SCML4: variants seen among roughly 807,000 people sequenced by gnomAD.
SCML4 encodes the protein Scm polycomb group protein like 4, also known as sex comb on midleg-like protein 4.
Under a neutral mutation model 41.1 loss-of-function variants are expected in SCML4, and 34 were observed. The ratio of observed to expected loss-of-function variants is 0.83; its 90% confidence interval spans 0.63 to 1.10. The LOEUF is 1.10. Among genes scored for constraint, SCML4 ranks in the 50% least tolerant of loss-of-function variants. SCML4 has a pLI of 0.00. For synonymous variants in SCML4, 214 were observed against 220.9 expected, an observed-to-expected ratio of 0.97 and a Z score of 0.28; for missense variants, 522 against 534.1, an observed-to-expected ratio of 0.98 and a Z score of 0.22.
At chr6:107,833,661 T>C in the SCML4 span, among the ~76,000 whole-genome samples, 5 of 152,088 alleles carry the variant, frequency 3.3e-5, no homozygotes, top group Non-Finnish European at 7.3e-5. Context: ...AGTCCAGGCT[T>C]CCCCCAGTTT....
At chr6:107,842,139 A>AT in the SCML4 span, among the ~76,000 whole-genome samples, 2 of 151,884 alleles carry the variant, frequency 1.3e-5, no homozygotes, top group Non-Finnish European at 2.9e-5. Context: ...TGTTCACAGT[A>AT]TTTTTTTCAT....
intron 1 of SCML4, among the ~76,000 whole-genome samples, chr6:107,793,038 G>T (rs145697134): frequency 0.011 from 1,703 of 152,218 alleles, 21 homozygotes; most frequent in Non-Finnish European, 0.02. Context: ...CTTTCATCTG[G>T]GGAACAGTCT....
chr6:107,705,733 T>G (rs1180920341), intron 7 of SCML4, among the ~76,000 whole-genome samples: 1 of 152,202 alleles, frequency 6.6e-6, no homozygotes, highest in East Asian at 1.9e-4. Context: ...TGCCCTAATT[T>G]CTCATTTCTT....
chr6:107,812,880 TACACACAC>T (rs141469245), intron 1 of SCML4, among the ~76,000 whole-genome samples: 44 of 141,372 alleles, frequency 3.1e-4, no homozygotes, highest in Non-Finnish European at 5.0e-4. Flanking sequence ...CACAGACACA[TACACACAC>T]ACACACACAC....
chr6:107,738,106 C>T (rs1199990611), intron 5 of SCML4, among the ~76,000 whole-genome samples: 1 of 152,158 alleles, frequency 6.6e-6, no homozygotes, highest in Non-Finnish European at 1.5e-5. Flanking sequence ...CAATTTTCCC[C>T]GTGGTCATCT....
chr6:107,765,598 G>C (rs1204492155), intron 2 of SCML4, among the ~76,000 whole-genome samples: 1 of 152,062 alleles, frequency 6.6e-6, no homozygotes, highest in African/African-American at 2.4e-5. Context: ...TCAGGAGGCT[G>C]CCCCATTCAC....
intron 2 of SCML4, among the ~76,000 whole-genome samples, chr6:107,758,437 C>A (rs1411608107): frequency 6.6e-6 from 1 of 152,152 alleles, no homozygotes; most frequent in Non-Finnish European, 1.5e-5. Flanking sequence ...TCTAACTTAG[C>A]GTTATGCATT....
chr6:107,806,287 C>T (rs1462334252), intron 1 of SCML4, among the ~76,000 whole-genome samples: 2 of 152,050 alleles, frequency 1.3e-5, no homozygotes, highest in Admixed American at 1.3e-4. Context: ...GCAACCTGTA[C>T]AGGCTTCCTG....
intron 1 of SCML4, among the ~76,000 whole-genome samples, chr6:107,775,280 T>C (rs898963649): frequency 6.6e-6 from 1 of 152,240 alleles, no homozygotes; most frequent in Non-Finnish European, 1.5e-5. Flanking sequence ...ATGCCTCTCC[T>C]TCCTCAGTTA....
At chr6:107,711,165 C>G (rs1380063784) in intron 6 of SCML4, among the ~76,000 whole-genome samples, 1 of 9,906 alleles carries the variant, frequency 1.0e-4, no homozygotes, top group South Asian at 2.1e-3. Context: ...TAGGACCAAC[C>G]AAAACCTGAG....
At chr6:107,837,334 C>T in the SCML4 span, among the ~76,000 whole-genome samples, 3 of 152,140 alleles carry the variant, frequency 2.0e-5, no homozygotes, top group Non-Finnish European at 4.4e-5. Flanking sequence ...TACAAGGGTG[C>T]ATGTCTTGGT....
intron 1 of SCML4, among the ~76,000 whole-genome samples, chr6:107,785,969 G>C (rs769362892): frequency 6.6e-6 from 1 of 150,734 alleles, no homozygotes; most frequent in Admixed American, 6.6e-5. Context: ...AGGGGGCCTT[G>C]GGGTGCTCCC....
chr6:107,836,314 A>G, the SCML4 span, among the ~76,000 whole-genome samples: 3 of 152,310 alleles, frequency 2.0e-5, no homozygotes, highest in South Asian at 2.1e-4. Flanking sequence ...GAGCCAGCAC[A>G]GGGATGAGTC....
At chr6:107,720,128 A>C in intron 6 of SCML4, 3 of 983,818 alleles carry the variant, frequency 3.0e-6, no homozygotes, top group Non-Finnish European at 3.6e-6. Context: ...ACAATTCTTT[A>C]CCAAGGTCTG....
intron 5 of SCML4, among the ~76,000 whole-genome samples, chr6:107,741,761 C>T (rs1005777500): frequency 2.6e-5 from 4 of 152,116 alleles, no homozygotes; most frequent in Non-Finnish European, 5.9e-5. Context: ...CCATGTAGAG[C>T]CAAAAAACCA....
chr6:107,830,042 C>T, the SCML4 span, among the ~76,000 whole-genome samples: 2 of 152,236 alleles, frequency 1.3e-5, no homozygotes, highest in East Asian at 3.9e-4. Context: ...TTTCTGGAGC[C>T]CATGTGGGGT....
intron 3 of SCML4, among the ~76,000 whole-genome samples, chr6:107,747,576 A>G (rs969349394): frequency 6.7e-6 from 1 of 149,982 alleles, no homozygotes; most frequent in Admixed American, 6.7e-5. Context: ...ACAGGAAAGT[A>G]TCTAATTTAT....
chr6:107,787,136 C>T (rs1781958731), intron 1 of SCML4, among the ~76,000 whole-genome samples: 1 of 152,192 alleles, frequency 6.6e-6, no homozygotes, highest in South Asian at 2.1e-4. Context: ...AAATCTGATC[C>T]TTCAGGCCAC....
At chr6:107,754,488 C>T (rs1459258299) in intron 2 of SCML4, among the ~76,000 whole-genome samples, 1 of 152,162 alleles carries the variant, frequency 6.6e-6, no homozygotes, top group African/African-American at 2.4e-5. Flanking sequence ...ATCCCACTTT[C>T]CATGTCTTGT....
Sources: allele counts gnomAD v4.1 joint callset (sites outside exome capture counted in the v4.1 genomes callset), GRCh38; gene constraint gnomAD v4.1.1; transcripts MANE v1.5; gene names NCBI Gene and HGNC (gene_info 2026-07-23, HGNC 2026-07-21).